The following RTN3 variants were observed in gnomAD, a reference collection of about 807,000 sequenced individuals.
RTN3 encodes reticulon-3.
RTN3 carries 49 observed loss-of-function variants against 77.8 expected under a neutral mutation model. The observed-to-expected ratio is 0.63, with a 90% CI of 0.50 to 0.80. RTN3 has a LOEUF of 0.80. Ranked by LOEUF, RTN3 falls within the 30% of genes least tolerant of loss-of-function variation. The pLI is 0.00. For missense variants in RTN3, 1,236 were observed against 1,211.9 expected (o/e 1.02, Z -0.29); for synonymous variants, 464 against 446.9 (o/e 1.04, Z -0.48).
chr11:63,699,381 T>G (rs1942125897), intron 1 of RTN3, among the ~76,000 whole-genome samples: 1 of 152,082 alleles, frequency 6.6e-6, no homozygotes, highest in Admixed American at 6.6e-5. Context: ...CTTTTACTTC[T>G]CCAGTCTTTA....
At chr11:63,684,242 A>G (rs1209948621) in intron 1 of RTN3, among the ~76,000 whole-genome samples, 1 of 139,760 alleles carries the variant, frequency 7.2e-6, no homozygotes, top group Admixed American at 7.9e-5. Context: ...TCCATCTCCC[A>G]GGTTCATGCC....
At chr11:63,707,746 A>G (rs1025993272) in intron 2 of RTN3, among the ~76,000 whole-genome samples, 1 of 152,144 alleles carries the variant, frequency 6.6e-6, no homozygotes, top group Non-Finnish European at 1.5e-5. Flanking sequence ...AGGCAGGAGA[A>G]TCACTTGAAC....
intron 2 of RTN3, among the ~76,000 whole-genome samples, chr11:63,712,227 A>G (rs2011178777): frequency 6.6e-6 from 1 of 152,206 alleles, no homozygotes; most frequent in African/African-American, 2.4e-5. Context: ...CAGTTTGCCA[A>G]TATGCCTTTT....
intron 4 of RTN3, among the ~76,000 whole-genome samples, chr11:63,751,363 A>T (rs1260529667): frequency 6.6e-6 from 1 of 152,190 alleles, no homozygotes. Flanking sequence ...TTTCCTCCGT[A>T]TCTCTTACTA....
chr11:63,687,903 T>C (rs942201547), intron 1 of RTN3, among the ~76,000 whole-genome samples: 1 of 152,196 alleles, frequency 6.6e-6, no homozygotes, highest in Non-Finnish European at 1.5e-5. Context: ...CTTTTTTCCC[T>C]TTCCACATGT....
chr11:63,736,133 GGTTGTT>G (rs1345628773), intron 3 of RTN3, among the ~76,000 whole-genome samples: 40 of 152,208 alleles, frequency 2.6e-4, no homozygotes, highest in African/African-American at 9.2e-4. Context: ...CAAGCTGGCT[GGTTGTT>G]GACAGAATTC....
At chr11:63,754,699 C>CAAAAA (rs35847577) in intron 7 of RTN3, among the ~76,000 whole-genome samples, 1 of 48,836 alleles carries the variant, frequency 2.0e-5, no homozygotes, top group African/African-American at 7.7e-5. Context: ...GACTCCATCT[C>CAAAAA]AAAAAAAAAA....
At chr11:63,735,550 T>TTCTCCCTCTC (rs2013034774) in intron 3 of RTN3, among the ~76,000 whole-genome samples, 1 of 42,686 alleles carries the variant, frequency 2.3e-5, no homozygotes, top group Non-Finnish European at 4.2e-5. Flanking sequence ...ATTCTAACAT[T>TTCTCCCTCTC]TCTCTCTCTC....
intron 1 of RTN3, among the ~76,000 whole-genome samples, chr11:63,696,267 C>A (rs184620957): frequency 2.0e-5 from 3 of 151,560 alleles, no homozygotes; most frequent in Non-Finnish European, 4.4e-5. Context: ...CGTGATGGTG[C>A]GTACCTGTAA....
rs55888863 is a variant in RTN3, at chr11:63,685,495, C to CAAAAA, written c.142+3727_142+3731dup. 1.4e-4 allele frequency among the ~76,000 whole-genome samples: 16 copies of CAAAAA among 115,656 alleles called. 2 individuals are homozygous for CAAAAA. Among genetic ancestry groups the CAAAAA allele is most frequent in the African/African-American group, 4.9e-4 (12 of 24,416 alleles). 75.9% of individuals were successfully genotyped at this position (115,656 alleles called of 152,430 possible). A position where few individuals can be genotyped will look rare whatever the true frequency, so the allele number is the denominator to read the frequency against. ...TAGGCGACACAGCAAGACTCCATCT[C>CAAAAA]AAAAAAAAAAAAAAGTTACTGCAAT... On this transcript the variant is annotated intron_variant, in intron 1 of 8. Transcript: ENST00000377819.
At chr11:63,734,700 C>A (rs1175252762) in intron 3 of RTN3, among the ~76,000 whole-genome samples, 1 of 151,256 alleles carries the variant, frequency 6.6e-6, no homozygotes, top group Non-Finnish European at 1.5e-5. Flanking sequence ...CTACTGCACT[C>A]CAGCCTGGGT....
chr11:63,716,716 A>G (rs1456782527), intron 2 of RTN3, among the ~76,000 whole-genome samples: 1 of 152,158 alleles, frequency 6.6e-6, no homozygotes, highest in Non-Finnish European at 1.5e-5. Flanking sequence ...GTGTATTCCC[A>G]GCTCTTTGGG....
At position 63,719,028 on chromosome 11, in the gene RTN3, G is replaced by A. The variant is rs1411308418; in HGVS notation, c.526G>A (p.Val176Met). ...PAFLSKKIGQ[V>M]EEQIDKETKN... The stretch of plus-strand genomic sequence containing the variant: ...TTTTCTCTCAAAGAAAATTGGTCAA[G>A]TGGAAGAGCAAATAGATAAAGAGAC... Residue 176 changes from valine to methionine, a missense_variant, in exon 3 of 9, where the codon GTG (valine) becomes ATG (methionine). Transcript: ENST00000377819. The A allele has an allele frequency of 6.2e-7, 1 of 1,614,188 alleles. No individual in the cohort carries two copies. Among genetic ancestry groups the A allele is most frequent in the Non-Finnish European group, 8.5e-7 (1 of 1,180,038 alleles).
At chr11:63,750,455 C>CTTTTT in intron 4 of RTN3, 1 of 295,234 alleles carries the variant, frequency 3.4e-6, no homozygotes. Flanking sequence ...ACTCTAAATT[C>CTTTTT]TTTTTTTTTT....
At chr11:63,706,977 A>G (rs1329755287) in intron 2 of RTN3, among the ~76,000 whole-genome samples, 3 of 150,582 alleles carry the variant, frequency 2.0e-5, no homozygotes, top group Non-Finnish European at 3.0e-5. Flanking sequence ...GCTCAGTGCA[A>G]CCTCCACCCA....
intron 3 of RTN3, among the ~76,000 whole-genome samples, chr11:63,735,550 T>TTCTCTCTCTCCCTCTCTCTCTCTC: frequency 2.3e-5 from 1 of 42,734 alleles, no homozygotes; most frequent in South Asian, 1.5e-3. Context: ...ATTCTAACAT[T>TTCTCTCTCTCCCTCTCTCTCTCTC]TCTCTCTCTC....
At chr11:63,748,770 C>T (rs573793917) in intron 3 of RTN3, among the ~76,000 whole-genome samples, 14 of 150,368 alleles carry the variant, frequency 9.3e-5, no homozygotes, top group South Asian at 4.2e-4. Flanking sequence ...CGGGTTCAAG[C>T]GATTCTCCTA....
chr11:63,683,300 C>G (rs930705069), intron 1 of RTN3, among the ~76,000 whole-genome samples: 1 of 152,192 alleles, frequency 6.6e-6, no homozygotes, highest in Non-Finnish European at 1.5e-5. Context: ...AGATGAACAG[C>G]GACTTCCTTA....
At position 63,734,354 on chromosome 11, in the gene RTN3, G is replaced by A. The variant is rs375564134; in HGVS notation, c.2530+13322G>A. On this transcript the variant is annotated intron_variant, in intron 3 of 8. Transcript: ENST00000377819. Reference sequence around the variant, plus strand: ...TCCCAGTACTCAGGAGGCTGAGGCAGGAGAATCCCTTGAACTCAACAGGCA... The same window carrying A: ...TCCCAGTACTCAGGAGGCTGAGGCAAGAGAATCCCTTGAACTCAACAGGCA... 1.3e-4 allele frequency among the ~76,000 whole-genome samples: 20 copies of A among 152,128 alleles called. 1 individual carries two copies. The East Asian group carries it at 1.9e-3, about 15-fold the overall frequency.
Sources: gnomAD v4.1 joint callset for allele counts (sites outside exome capture counted in the v4.1 genomes callset) on GRCh38, gnomAD v4.1.1 for gene constraint, MANE v1.5 for transcripts, NCBI Gene and HGNC (gene_info 2026-07-23, HGNC 2026-07-21) for gene names.